Variants in DCT observed in about 807,000 individuals in gnomAD.
DCT encodes L-dopachrome tautomerase.
DCT carries 47 observed loss-of-function variants against 53.0 expected under a neutral mutation model. The observed-to-expected ratio is 0.89, with a 90% confidence interval of 0.70 to 1.13. DCT has a LOEUF of 1.13. DCT is among the 50% of genes most tolerant of loss of function. The pLI is 0.00. For synonymous variants in DCT, 244 were observed against 237.0 expected (o/e 1.03, Z -0.27); for missense variants, 669 against 637.4 (o/e 1.05, Z -0.53).
chr13:94,465,766 A>C lies in DCT; in HGVS notation c.730T>G (p.Tyr244Asp). 6.2e-7 allele frequency: 1 copy of C among 1,612,618 alleles called. No individual in the cohort carries two copies. Among genetic ancestry groups the C allele is most frequent in the East Asian group, 2.2e-5 (1 of 44,732 alleles). The change falls in exon 4 of 8, where the codon TAC becomes GAC. Residue 244 changes from tyrosine (Y) to aspartate (D), a missense_variant. Transcript: ENST00000377028. ...LIGNESFALP[Y>D]WNFATGRNEC... is the part of the protein sequence containing the mutation. ...TTCCTCCCAGTGGCAAAGTTCCAGTAGGGCAAAGCAAAAGACTCATTGCCA... is the reference window on the plus strand; with the variant it reads ...TTCCTCCCAGTGGCAAAGTTCCAGTCGGGCAAAGCAAAAGACTCATTGCCA...
At chr13:94,534,483 A>T in the DCT span, among the ~76,000 whole-genome samples, 2 of 152,242 alleles carry the variant, frequency 1.3e-5, no homozygotes, top group South Asian at 2.1e-4. Flanking sequence ...TTTCACATTC[A>T]TATAGTAATA....
At chr13:94,442,420 C>T (rs183264680) in intron 7 of DCT, among the ~76,000 whole-genome samples, 2 of 152,250 alleles carry the variant, frequency 1.3e-5, no homozygotes, top group Admixed American at 6.5e-5. Context: ...GATTCTTCCA[C>T]CTCAGCCTCC....
chr13:94,493,227 G>A, the DCT span, among the ~76,000 whole-genome samples: 1 of 151,988 alleles, frequency 6.6e-6, no homozygotes, highest in Non-Finnish European at 1.5e-5. Context: ...CCTAAGACTT[G>A]CCAGCTTCTC....
upstream of DCT, among the ~76,000 whole-genome samples, chr13:94,483,161 C>A (rs967683707): frequency 6.0e-5 from 9 of 151,124 alleles, no homozygotes; most frequent in Middle Eastern, 3.4e-3. Flanking sequence ...GTAGTCCCAT[C>A]TAGTAGGGAG....
At chr13:94,518,970 G>A in the DCT span, among the ~76,000 whole-genome samples, 1 of 151,936 alleles carries the variant, frequency 6.6e-6, no homozygotes, top group African/African-American at 2.4e-5. Flanking sequence ...CCAGCCCCAA[G>A]ACCTTTGCCT....
At chr13:94,514,050 G>T in the DCT span, among the ~76,000 whole-genome samples, 1 of 146,350 alleles carries the variant, frequency 6.8e-6, no homozygotes, top group African/African-American at 2.5e-5. Flanking sequence ...AGATGTAAAA[G>T]GTCAGGGATT....
At chr13:94,528,255 C>G in the DCT span, among the ~76,000 whole-genome samples, 1 of 152,168 alleles carries the variant, frequency 6.6e-6, no homozygotes, top group Non-Finnish European at 1.5e-5. Context: ...CCTAGCAAAG[C>G]AGGCCAACAT....
chr13:94,507,880 A>G, the DCT span, among the ~76,000 whole-genome samples: 1 of 152,226 alleles, frequency 6.6e-6, no homozygotes, highest in Non-Finnish European at 1.5e-5. Context: ...TATAGAGTCA[A>G]GAGTCTACAT....
Position 94,468,956 on chromosome 13 carries a change from T to TCTG in DCT, c.382_384dup (p.Gln128dup). The TCTG allele has an allele frequency of 6.2e-7, 1 of 1,614,156 alleles. No individual in the cohort carries two copies. Among genetic ancestry groups the TCTG allele is most frequent in the Non-Finnish European group, 8.5e-7 (1 of 1,180,026 alleles). Reference sequence around the variant, plus strand: ...TCCTGAGGACTCAAGGAATGGATGTTCTGCCGAATCACTGGTGGTTTCTTC... The same window carrying TCTG: ...TCCTGAGGACTCAAGGAATGGATGTTCTGCTGCCGAATCACTGGTGGTTTCTTC... On this transcript the variant is annotated inframe_insertion, in exon 2 of 8. Coordinates refer to ENST00000377028, the MANE Select transcript of DCT (RefSeq NM_001922.5).
At chr13:94,486,940 G>T in the DCT span, among the ~76,000 whole-genome samples, 1,596 of 152,232 alleles carry the variant, frequency 0.01, 23 homozygotes, top group Admixed American at 0.045. Context: ...AAGTGCAAAG[G>T]TAACAAACAC....
intron 1 of DCT, among the ~76,000 whole-genome samples, chr13:94,476,472 T>TC (rs1399902515): frequency 8.3e-5 from 12 of 144,570 alleles, no homozygotes; most frequent in African/African-American, 2.6e-4. Context: ...GCACTTTCTT[T>TC]TTTTTTTTTT....
the DCT span, among the ~76,000 whole-genome samples, chr13:94,518,765 C>G: frequency 1.3e-5 from 2 of 152,212 alleles, no homozygotes; most frequent in Non-Finnish European, 2.9e-5. Context: ...TGGCTCTCTG[C>G]TTAAAACTGA....
chr13:94,501,017 G>A, the DCT span, among the ~76,000 whole-genome samples: 1 of 151,880 alleles, frequency 6.6e-6, no homozygotes, highest in Non-Finnish European at 1.5e-5. Context: ...AAAAGAATTT[G>A]GCACTTTGGG....
At position 94,479,556 on chromosome 13, in the gene DCT, G is replaced by A. The variant is rs923552702; in HGVS notation, c.-301C>T. On this transcript the variant is annotated 5_prime_UTR_variant, in exon 1 of 8. It adds an upstream start codon to the 5' untranslated region. Transcript: ENST00000377028. ...GTAGCGCTTCTCACCATCTTCCCCC[G>A]TTAAGTCAGGCTTTGTCTAATTGAG... The A allele has an allele frequency of 5.4e-5, 15 of 277,954 alleles. No homozygotes were observed. The highest frequency in any genetic ancestry group is 1.7e-4 in the South Asian group (2 of 11,832). 17.2% of individuals were successfully genotyped at this position (277,954 alleles called of 1,614,324 possible). A position where few individuals can be genotyped will look rare whatever the true frequency, so the allele number is the denominator to read the frequency against.
intron 6 of DCT, among the ~76,000 whole-genome samples, chr13:94,454,607 A>C (rs1043559692): frequency 6.6e-6 from 1 of 152,222 alleles, no homozygotes; most frequent in Non-Finnish European, 1.5e-5. Flanking sequence ...TCTTTTGCTC[A>C]TTATTGTGAT....
the DCT span, among the ~76,000 whole-genome samples, chr13:94,534,595 C>T: frequency 6.6e-6 from 1 of 152,212 alleles, no homozygotes; most frequent in Non-Finnish European, 1.5e-5. Flanking sequence ...TAGAGAGTGG[C>T]CATAGGCTTT....
the DCT span, among the ~76,000 whole-genome samples, chr13:94,490,312 C>A: frequency 6.6e-6 from 1 of 151,820 alleles, no homozygotes; most frequent in Non-Finnish European, 1.5e-5. Flanking sequence ...CTAGACCAGA[C>A]TGACCAATAT....
chr13:94,471,076 G>A (rs777728615), intron 1 of DCT, among the ~76,000 whole-genome samples: 3 of 152,142 alleles, frequency 2.0e-5, no homozygotes, highest in African/African-American at 7.2e-5. Context: ...GCAAAATAGA[G>A]GTAAGTAAAA....
At chr13:94,480,980 G>A (rs1885416112), upstream of DCT, among the ~76,000 whole-genome samples, 3 of 152,208 alleles carry the variant, frequency 2.0e-5, no homozygotes, top group Admixed American at 2.0e-4. Flanking sequence ...TGGCAGGACT[G>A]GCGTGTGTCA....
Sources: gnomAD v4.1 joint callset for allele counts (sites outside exome capture counted in the v4.1 genomes callset) on GRCh38, gnomAD v4.1.1 for gene constraint, MANE v1.5 for transcripts, NCBI Gene and HGNC (gene_info 2026-07-23, HGNC 2026-07-21) for gene names.